The following ZNF320 variants were observed in gnomAD, a reference collection of about 807,000 sequenced individuals.
ZNF320 encodes the protein zinc finger gene 320.
In ZNF320, 2 loss-of-function variants were observed where a neutral mutation model predicts 6.8. The observed-to-expected ratio is 0.29, with a 90% CI of 0.12 to 0.93. The LOEUF (loss-of-function observed/expected upper bound fraction) is 0.93, where lower values mean the gene tolerates loss of function less well. Ranked by LOEUF, ZNF320 falls within the 40% of genes least tolerant of loss-of-function variation. The pLI, the probability that ZNF320 is intolerant of heterozygous loss-of-function variation, is 0.55. For synonymous variants in ZNF320, 208 were observed against 203.2 expected (o/e 1.02, Z -0.20); for missense variants, 472 against 611.0 (o/e 0.77, Z 2.40).
At chr19:52,871,197 A>T (rs182110937), downstream of ZNF320, among the ~76,000 whole-genome samples, 3 of 152,140 alleles carry the variant, frequency 2.0e-5, no homozygotes, top group Non-Finnish European at 4.4e-5. Context: ...ACACATGCCT[A>T]TCATTCAAGC....
Position 52,880,689 on chromosome 19 carries a change from A to G in ZNF320, c.1437T>C (p.Ser479=), listed in dbSNP as rs774924865. Reference sequence around the variant, plus strand: ...GATGTTCTGCAAGGAGTGACCTCAGACTAAAGACCTTGCCACACTGATGAC... The same window carrying G: ...GATGTTCTGCAAGGAGTGACCTCAGGCTAAAGACCTTGCCACACTGATGAC... ...YKCHQCGKVF[S]LRSLLAEHQK... The change falls in exon 6 of 6, where the codon AGT becomes AGC. Residue 479 remains serine, a synonymous_variant. Transcript: ENST00000682928. 1 of 1,613,942 alleles carries G rather than the reference A, an allele frequency of 6.2e-7. No individual in the cohort carries two copies. The highest frequency in any genetic ancestry group is 1.7e-5 in the Admixed American group (1 of 60,004).
chr19:52,878,181 T>C lies in ZNF320; in HGVS notation c.*2415A>G. The C allele has an allele frequency of 5.0e-6, 1 of 201,104 alleles. No individual in the cohort carries two copies. The allele number at this position is 201,104 out of a possible 1,614,324, so 12.5% of individuals were successfully genotyped here. A position where few individuals can be genotyped will look rare whatever the true frequency, so the allele number is the denominator to read the frequency against. The stretch of plus-strand genomic sequence containing the variant: ...CTTGGCTCTTCTCCAGTGTCGTCTT[T>C]GACAGTTGTACCTATAAAACTTATG... On this transcript the variant is annotated 3_prime_UTR_variant, in exon 6 of 6. Coordinates refer to ENST00000682928, the MANE Select transcript of ZNF320 (RefSeq NM_001351774.2).
Position 52,876,999 on chromosome 19 carries a change from T to C in ZNF320, c.*3597A>G, listed in dbSNP as rs1167020787. 6.6e-6 allele frequency: 1 copy of C among 152,066 alleles called. No homozygotes were observed. The highest frequency in any genetic ancestry group is 1.5e-5 in the Non-Finnish European group (1 of 68,046). The allele number at this position is 152,066 out of a possible 1,614,324, so 9.4% of individuals were successfully genotyped here. On this transcript the variant is annotated 3_prime_UTR_variant, in exon 6 of 6. Transcript: ENST00000682928. Reference sequence around the variant, plus strand: ...GCACCTGGCTATGGTCCTAGCAACTTTGGAGGCTGAGGTGGGAGGATCCCT... The same window carrying C: ...GCACCTGGCTATGGTCCTAGCAACTCTGGAGGCTGAGGTGGGAGGATCCCT...
chr19:52,903,794 AC>A, the ZNF320 span, among the ~76,000 whole-genome samples: 1 of 152,058 alleles, frequency 6.6e-6, no homozygotes, highest in African/African-American at 2.4e-5. Flanking sequence ...ACGCACTTTT[AC>A]CGTTTATACC....
chr19:52,898,236 G>C (rs1431243722), upstream of ZNF320, among the ~76,000 whole-genome samples: 3 of 152,150 alleles, frequency 2.0e-5, no homozygotes, highest in African/African-American at 7.2e-5. Context: ...AATCCACCCT[G>C]TGCTCAGCTC....
downstream of ZNF320, among the ~76,000 whole-genome samples, chr19:52,873,116 C>T (rs536814378): frequency 6.6e-6 from 1 of 152,112 alleles, no homozygotes; most frequent in African/African-American, 2.4e-5. Context: ...ATTCCATTCC[C>T]AGGGAGGAGC....
At chr19:52,890,181 C>T in intron 4 of ZNF320, 60 bp downstream of exon 4, 1 of 1,595,830 alleles carries the variant, frequency 6.3e-7, no homozygotes, top group East Asian at 2.2e-5. Context: ...TTCCCAACTC[C>T]AGGCGCCAGC....
chr19:52,859,919 T>C (rs1214586848), downstream of ZNF320, among the ~76,000 whole-genome samples: 23 of 151,268 alleles, frequency 1.5e-4, no homozygotes, highest in Non-Finnish European at 2.8e-4. Context: ...TCTTTCTTTT[T>C]TTTTTTTTTT....
downstream of ZNF320, among the ~76,000 whole-genome samples, chr19:52,872,583 C>A (rs1249325157): frequency 6.6e-6 from 1 of 152,120 alleles, no homozygotes; most frequent in African/African-American, 2.4e-5. Context: ...CTCACTGAAA[C>A]CTCCGCCTCC....
chr19:52,871,859 G>A (rs1385421925), downstream of ZNF320, among the ~76,000 whole-genome samples: 6 of 152,162 alleles, frequency 3.9e-5, no homozygotes, highest in African/African-American at 1.4e-4. Flanking sequence ...AGAATATTAT[G>A]GACCAGAGGG....
chr19:52,899,278 G>T (rs955731198), upstream of ZNF320, among the ~76,000 whole-genome samples: 2 of 152,026 alleles, frequency 1.3e-5, no homozygotes, highest in African/African-American at 4.8e-5. Context: ...ATGGCTCCTG[G>T]ATTGAGTCCG....
chr19:52,867,183 T>G (rs1487221226), intron 5 of ZNF320, among the ~76,000 whole-genome samples: 3 of 151,838 alleles, frequency 2.0e-5, no homozygotes, highest in Middle Eastern at 3.4e-3. Flanking sequence ...AATTAATTAA[T>G]TAATTAATTT....
chr19:52,861,012 C>G (rs2063484249), exon 6 of ZNF320, among the ~76,000 whole-genome samples: 1 of 151,784 alleles, frequency 6.6e-6, no homozygotes, highest in Non-Finnish European at 1.5e-5. Context: ...CAAAAACAAA[C>G]AAACAAACAA....
Position 52,881,139 on chromosome 19 carries a change from G to A in ZNF320, c.987C>T (p.Tyr329=). 2.5e-6 allele frequency: 4 copies of A among 1,614,174 alleles called. No homozygotes were observed. Among genetic ancestry groups the A allele is most frequent in the Non-Finnish European group, 3.4e-6 (4 of 1,180,036 alleles). ...AAACTTTGTCGCATTCTTCACATCT[G>A]TAAGGTTTCTCTCCAGTGTGAACTC... is the stretch of plus-strand genomic sequence containing the variant. ...HRRVHTGEKP[Y]RCEECDKVFS... The change falls in exon 6 of 6, where the codon TAC becomes TAT. Residue 329 remains tyrosine (Y), a synonymous_variant. Coordinates refer to ENST00000682928, the MANE Select transcript of ZNF320 (RefSeq NM_001351774.2).
upstream of ZNF320, among the ~76,000 whole-genome samples, chr19:52,898,034 A>G (rs921237907): frequency 6.6e-6 from 1 of 152,332 alleles, no homozygotes; most frequent in East Asian, 1.9e-4. Flanking sequence ...TGGACCCAGG[A>G]AAGTTCCTTG....
upstream of ZNF320, among the ~76,000 whole-genome samples, chr19:52,898,136 C>T (rs923904285): frequency 6.6e-6 from 1 of 152,212 alleles, no homozygotes; most frequent in African/African-American, 2.4e-5. Flanking sequence ...AAAGCTCTGC[C>T]TCAGCGAAAC....
rs1568692875 is a variant in ZNF320 at position 52,865,510 on chromosome 19, T to TATACA, written c.224-1352_224-1351insTGTAT. 4.4e-4 allele frequency: 59 copies of TATACA among 135,566 alleles called. 2 individuals carry two copies. The highest frequency in any genetic ancestry group is 1.7e-3 in the African/African-American group (56 of 33,522). 8.4% of individuals were successfully genotyped at this position (135,566 alleles called of 1,614,324 possible). A position where few individuals can be genotyped will look rare whatever the true frequency, so the allele number is the denominator to read the frequency against. On this transcript the variant is annotated intron_variant, in intron 5 of 5. Transcript: ENST00000673631. ...ATACATATATATTATACATATATAT[T>TATACA]TATATATTATACATATATATTTATA...
chr19:52,896,450 T>C (rs2064475531), intron 1 of ZNF320, among the ~76,000 whole-genome samples: 1 of 152,202 alleles, frequency 6.6e-6, no homozygotes, highest in African/African-American at 2.4e-5. Context: ...GGCTCATGCC[T>C]GTAATTCCAG....
exon 6 of ZNF320, among the ~76,000 whole-genome samples, chr19:52,863,191 T>C (rs903077197): frequency 4.0e-5 from 6 of 151,886 alleles, no homozygotes; most frequent in African/African-American, 7.3e-5. Flanking sequence ...AACTCCTTAC[T>C]GCAAAAAAAT....
Sources: allele counts gnomAD v4.1 joint callset (sites outside exome capture counted in the v4.1 genomes callset), GRCh38; gene constraint gnomAD v4.1.1; transcripts MANE v1.5; gene names NCBI Gene and HGNC (gene_info 2026-07-23, HGNC 2026-07-21).